ADAMTS12: variants seen among roughly 807,000 people sequenced by gnomAD.
ADAMTS12 encodes the protein A disintegrin and metalloproteinase with thrombospondin motifs 12.
Under a neutral mutation model 167.8 loss-of-function variants are expected in ADAMTS12, and 118 were observed. The observed-to-expected ratio is 0.70, with a 90% CI of 0.61 to 0.82. ADAMTS12 has a LOEUF of 0.82. Among genes scored for constraint, ADAMTS12 ranks in the 40% least tolerant of loss-of-function variants. ADAMTS12 has a pLI of 0.00. For synonymous variants in ADAMTS12, 704 were observed against 716.9 expected, an observed-to-expected ratio of 0.98 and a Z score of 0.29; for missense variants, 1,916 against 1,998.8, an observed-to-expected ratio of 0.96 and a Z score of 0.79.
intron 7 of ADAMTS12, among the ~76,000 whole-genome samples, chr5:33,654,055 C>T (rs10052473): frequency 0.51 from 77,468 of 151,974 alleles, 21,061 homozygotes; most frequent in East Asian, 0.62. Context: ...TTTTCTAGGT[C>T]ATTAATTCTT....
intron 16 of ADAMTS12, among the ~76,000 whole-genome samples, chr5:33,604,467 C>T (rs1254273164): frequency 6.7e-6 from 1 of 150,342 alleles, no homozygotes; most frequent in Non-Finnish European, 1.5e-5. Context: ...CGCCACTGCA[C>T]TCTAGCTTGG....
chr5:33,695,222 G>A (rs750124493), intron 3 of ADAMTS12, among the ~76,000 whole-genome samples: 2 of 152,206 alleles, frequency 1.3e-5, no homozygotes, highest in African/African-American at 2.4e-5. Context: ...TGATTAGGGA[G>A]AGCCTTGTCT....
intron 2 of ADAMTS12, among the ~76,000 whole-genome samples, chr5:33,875,898 C>T (rs1390039988): frequency 6.6e-6 from 1 of 152,054 alleles, no homozygotes; most frequent in African/African-American, 2.4e-5. Context: ...TTATTGTATA[C>T]ATAGGAAATC....
intron 14 of ADAMTS12, among the ~76,000 whole-genome samples, chr5:33,619,971 G>A (rs1006238324): frequency 3.3e-5 from 5 of 152,202 alleles, no homozygotes; most frequent in Non-Finnish European, 5.9e-5. Flanking sequence ...GGGATTACAG[G>A]CGTGAGCCAC....
In ADAMTS12 at chr5:33,770,734, C is replaced by G. The variant is rs538484449; in HGVS notation, c.490-19186G>C. Among the ~76,000 whole-genome samples the G allele has an allele frequency of 1.5e-3, 233 of 151,990 alleles. 1 individual carries two copies. The highest frequency in any genetic ancestry group is 5.5e-3 in the African/African-American group (230 of 41,480). ...AGAAGGTCCTTCCCTGACCACACAA[C>G]CAAAAATGTTCAGAGCTCCCAACCA... On this transcript the variant is annotated intron_variant, in intron 2 of 23. Coordinates refer to ENST00000504830, the MANE Select transcript of ADAMTS12 (RefSeq NM_030955.4).
intron 20 of ADAMTS12, among the ~76,000 whole-genome samples, chr5:33,554,711 G>C (rs538271978): frequency 2.6e-5 from 4 of 152,116 alleles, no homozygotes; most frequent in Non-Finnish European, 1.5e-5. Flanking sequence ...CAAAACAAAG[G>C]CTATTCTCCC....
At chr5:33,585,716 T>G (rs558082784) in intron 18 of ADAMTS12, among the ~76,000 whole-genome samples, 1 of 152,328 alleles carries the variant, frequency 6.6e-6, no homozygotes, top group South Asian at 2.1e-4. Flanking sequence ...CAGGATAAGA[T>G]TCTTGGTAAA....
chr5:33,555,442 G>A (rs2111861173), intron 20 of ADAMTS12, among the ~76,000 whole-genome samples: 1 of 152,202 alleles, frequency 6.6e-6, no homozygotes, highest in South Asian at 2.1e-4. Context: ...TGGAGACGGG[G>A]TTTTGCCATA....
chr5:33,642,035 A>T (rs1740479175), intron 10 of ADAMTS12, 80 bp from the exon 11 acceptor site: 2 of 1,381,120 alleles, frequency 1.4e-6, no homozygotes, highest in Non-Finnish European at 1.9e-6. Context: ...AAAAGTCTAA[A>T]CCCAATTCTC....
chr5:33,643,874 C>A (rs958583385), intron 9 of ADAMTS12, among the ~76,000 whole-genome samples: 3 of 152,202 alleles, frequency 2.0e-5, no homozygotes, highest in African/African-American at 7.2e-5. Flanking sequence ...ATAACTTGAG[C>A]CTGCTCAGTG....
intron 22 of ADAMTS12, among the ~76,000 whole-genome samples, chr5:33,535,382 G>A (rs1744343155): frequency 6.6e-6 from 1 of 152,152 alleles, no homozygotes; most frequent in African/African-American, 2.4e-5. Flanking sequence ...ATCAAGCTGG[G>A]CCAATCAGTC....
At position 33,588,887 on chromosome 5, in the gene ADAMTS12, G is replaced by A. The variant is rs566996629; in HGVS notation, c.2655-78C>T. 9.2e-6 allele frequency: 14 copies of A among 1,528,904 alleles called. No homozygotes were observed. In the Admixed American group the frequency reaches 1.3e-4, roughly 14 times the overall value. 94.7% of individuals were successfully genotyped at this position (1,528,904 alleles called of 1,614,324 possible). ...CCATTCAACCACTGAGAAAGCAGGG[G>A]CAGAAATGCAGATCACAGGGCTGGA... On this transcript the variant is annotated intron_variant, in intron 17 of 23. Coordinates refer to ENST00000504830, the MANE Select transcript of ADAMTS12 (RefSeq NM_030955.4).
intron 13 of ADAMTS12, among the ~76,000 whole-genome samples, chr5:33,629,911 T>C (rs1739842338): frequency 1.3e-5 from 2 of 152,234 alleles, no homozygotes; most frequent in African/African-American, 4.8e-5. Context: ...AGCTTCTCTC[T>C]GTCTGTTATT....
At chr5:33,531,018 G>A (rs886639822) in intron 23 of ADAMTS12, among the ~76,000 whole-genome samples, 18 of 152,182 alleles carry the variant, frequency 1.2e-4, no homozygotes, top group African/African-American at 4.3e-4. Context: ...CCTGAGTGGT[G>A]TCCTTATAAA....
chr5:33,782,451 A>G (rs1746168317), intron 2 of ADAMTS12, among the ~76,000 whole-genome samples: 1 of 152,130 alleles, frequency 6.6e-6, no homozygotes, highest in African/African-American at 2.4e-5. Flanking sequence ...CAATAATGAC[A>G]TTAAATGTGA....
chr5:33,679,231 A>C (rs1742024959), intron 5 of ADAMTS12, among the ~76,000 whole-genome samples: 1 of 152,198 alleles, frequency 6.6e-6, no homozygotes, highest in Admixed American at 6.5e-5. Flanking sequence ...TTGTTGGTTT[A>C]AGAATAAAGC....
intron 3 of ADAMTS12, among the ~76,000 whole-genome samples, chr5:33,750,105 G>A (rs1744925909): frequency 6.6e-6 from 1 of 152,140 alleles, no homozygotes; most frequent in African/African-American, 2.4e-5. Context: ...ACAAACAAGA[G>A]AACTCTAGAT....
intron 2 of ADAMTS12, among the ~76,000 whole-genome samples, chr5:33,852,225 G>C (rs1315368030): frequency 2.0e-5 from 3 of 152,202 alleles, no homozygotes; most frequent in African/African-American, 7.2e-5. Context: ...AGTCCTTAGA[G>C]ATCGGCTGAG....
At chr5:33,745,663 G>C (rs965609072) in intron 3 of ADAMTS12, among the ~76,000 whole-genome samples, 7 of 152,012 alleles carry the variant, frequency 4.6e-5, no homozygotes, top group Non-Finnish European at 2.9e-5. Flanking sequence ...AGTGATGAAG[G>C]AACATACCAA....
Sources: gnomAD v4.1 joint callset for allele counts (sites outside exome capture counted in the v4.1 genomes callset) on GRCh38, gnomAD v4.1.1 for gene constraint, MANE v1.5 for transcripts, NCBI Gene and HGNC (gene_info 2026-07-23, HGNC 2026-07-21) for gene names.